The following ST8SIA1 variants were observed in gnomAD, a reference collection of about 807,000 sequenced individuals.
The protein encoded by ST8SIA1 is ST8 alpha-N-acetyl-neuraminide alpha-2,8-sialyltransferase 1.
Under a neutral mutation model 35.9 loss-of-function variants are expected in ST8SIA1, and 16 were observed. That is an observed-to-expected ratio of 0.45 (90% confidence interval 0.30 to 0.68). The LOEUF (loss-of-function observed/expected upper bound fraction) is 0.68. Ranked by LOEUF, ST8SIA1 falls within the 30% of genes least tolerant of loss-of-function variation. The pLI, the probability that ST8SIA1 is intolerant of heterozygous loss-of-function variation, is 0.09. For synonymous variants in ST8SIA1, 170 were observed against 169.6 expected (o/e 1.00, Z -0.02); for missense variants, 383 against 453.6 (o/e 0.84, Z 1.41).
Position 22,292,916 on chromosome 12 carries a change from A to T in ST8SIA1, c.237-5623T>A, listed in dbSNP as rs114361372. Reference sequence around the variant, plus strand: ...AGCCATAATTAAAATAAATGAATAAATCTGAATGAATGAATAAATAACAAA... The same window carrying T: ...AGCCATAATTAAAATAAATGAATAATTCTGAATGAATGAATAAATAACAAA... On this transcript the variant is annotated intron_variant, in intron 1 of 4. Transcript: ENST00000396037. Among the ~76,000 whole-genome samples the T allele has an allele frequency of 9.0e-3, 1,365 of 152,352 alleles. 17 individuals are homozygous for T. The highest frequency in any genetic ancestry group is 0.031 in the African/African-American group (1,286 of 41,572).
intron 2 of ST8SIA1, among the ~76,000 whole-genome samples, chr12:22,277,735 G>A (rs1865987698): frequency 6.6e-6 from 1 of 152,114 alleles, no homozygotes; most frequent in South Asian, 2.1e-4. Context: ...TAACCCAGTG[G>A]CAGTGAGGTA....
intron 1 of ST8SIA1, among the ~76,000 whole-genome samples, chr12:22,327,644 G>T (rs1302945481): frequency 6.6e-6 from 1 of 152,244 alleles, no homozygotes; most frequent in East Asian, 1.9e-4. Flanking sequence ...ACAGAGCATG[G>T]ACCCCTCTCA....
At chr12:22,247,469 G>A (rs1865619781) in intron 4 of ST8SIA1, among the ~76,000 whole-genome samples, 1 of 150,008 alleles carries the variant, frequency 6.7e-6, no homozygotes, top group Admixed American at 6.6e-5. Flanking sequence ...AAAATTTCTT[G>A]TAAGTGTTCT....
chr12:22,265,852 T>G (rs1040112731), intron 2 of ST8SIA1, among the ~76,000 whole-genome samples: 2 of 151,966 alleles, frequency 1.3e-5, no homozygotes, highest in Non-Finnish European at 2.9e-5. Flanking sequence ...ATATCCTAAT[T>G]CTTCTAAAAC....
intron 4 of ST8SIA1, 171 bp downstream of exon 4, chr12:22,248,835 G>T (rs1865633548): frequency 3.7e-6 from 2 of 534,978 alleles, no homozygotes; most frequent in Non-Finnish European, 6.6e-6. Flanking sequence ...ATATTGTTTG[G>T]ATTCCCATAA....
At chr12:22,254,931 A>G (rs962891152) in intron 3 of ST8SIA1, among the ~76,000 whole-genome samples, 4 of 152,242 alleles carry the variant, frequency 2.6e-5, no homozygotes, top group Admixed American at 2.6e-4. Flanking sequence ...ATTTATTCAT[A>G]GAGAGTGGTC....
chr12:22,302,578 A>G (rs1391213466), intron 1 of ST8SIA1, among the ~76,000 whole-genome samples: 1 of 152,230 alleles, frequency 6.6e-6, no homozygotes, highest in Non-Finnish European at 1.5e-5. Context: ...CATCCCAGAC[A>G]TGAGAGATCA....
In ST8SIA1 at chr12:22,198,258, A is replaced by T. The variant is rs915043024; in HGVS notation, c.*3294T>A. 1.3e-5 allele frequency: 2 copies of T among 152,134 alleles called. No individual in the cohort carries two copies. Among genetic ancestry groups the T allele is most frequent in the African/African-American group, 2.4e-5 (1 of 41,444 alleles). The allele number at this position is 152,134 out of a possible 1,614,324, so 9.4% of individuals were successfully genotyped here. A position where few individuals can be genotyped will look rare whatever the true frequency, so the allele number is the denominator to read the frequency against. On this transcript the variant is annotated 3_prime_UTR_variant, in exon 5 of 5. Transcript: ENST00000396037. ...CCCTCTTGGCAGGTGCATCACCAAA[A>T]GTGATTAAAGATTTTCTTATTGAAT...
intron 1 of ST8SIA1, among the ~76,000 whole-genome samples, chr12:22,307,955 G>GA (rs993082047): frequency 2.0e-4 from 31 of 151,680 alleles, no homozygotes; most frequent in African/African-American, 5.8e-4. Context: ...GGGCTACCAA[G>GA]AAAAAAAAAT....
intron 1 of ST8SIA1, among the ~76,000 whole-genome samples, chr12:22,295,544 G>A (rs1411227924): frequency 1.3e-5 from 2 of 151,986 alleles, no homozygotes; most frequent in African/African-American, 4.8e-5. Flanking sequence ...ACCAGCCTGG[G>A]CAACATGGTG....
At chr12:22,231,069 T>G (rs1036023323) in intron 4 of ST8SIA1, among the ~76,000 whole-genome samples, 1 of 150,724 alleles carries the variant, frequency 6.6e-6, no homozygotes, top group African/African-American at 2.4e-5. Context: ...TGAAAATAAG[T>G]GAGCATGAGT....
rs1174211289 is a variant in ST8SIA1, at chr12:22,310,599, T to C, written c.237-23306A>G. 2.0e-5 allele frequency among the ~76,000 whole-genome samples: 3 copies of C among 152,194 alleles called. 1 individual carries two copies. The highest frequency in any genetic ancestry group is 6.3e-3 in the Middle Eastern group (2 of 316). On this transcript the variant is annotated intron_variant, in intron 1 of 4. Coordinates refer to ENST00000396037, the MANE Select transcript of ST8SIA1 (RefSeq NM_003034.4). ...TCTATGCTTTCTGGATATGTTGTTTTGATTTCAAAAAATGTTTAAGGCAAA... is the reference window on the plus strand; with the variant it reads ...TCTATGCTTTCTGGATATGTTGTTTCGATTTCAAAAAATGTTTAAGGCAAA...
At chr12:22,315,769 TAAAAAA>T (rs34854158) in intron 1 of ST8SIA1, among the ~76,000 whole-genome samples, 1 of 129,116 alleles carries the variant, frequency 7.7e-6, no homozygotes, top group Admixed American at 7.9e-5. Flanking sequence ...CCCCTTAATG[TAAAAAA>T]AAAAAAAAAA....
chr12:22,236,242 C>A (rs915176754), intron 4 of ST8SIA1, among the ~76,000 whole-genome samples: 1 of 152,110 alleles, frequency 6.6e-6, no homozygotes, highest in African/African-American at 2.4e-5. Context: ...CAACACAGGC[C>A]CTTGAGTTTC....
At chr12:22,295,170 C>A (rs1328185483) in intron 1 of ST8SIA1, among the ~76,000 whole-genome samples, 1 of 152,048 alleles carries the variant, frequency 6.6e-6, no homozygotes, top group African/African-American at 2.4e-5. Flanking sequence ...GGGAAAGATG[C>A]AATTTTTAAC....
At chr12:22,239,724 CTATCA>C (rs1172077102) in intron 4 of ST8SIA1, among the ~76,000 whole-genome samples, 4 of 152,116 alleles carry the variant, frequency 2.6e-5, no homozygotes, top group African/African-American at 9.7e-5. Flanking sequence ...TGCTTATGAG[CTATCA>C]TTTGTTTGAA....
At chr12:22,239,023 C>T (rs113530348) in intron 4 of ST8SIA1, among the ~76,000 whole-genome samples, 1 of 152,192 alleles carries the variant, frequency 6.6e-6, no homozygotes, top group African/African-American at 2.4e-5. Context: ...TCTCTCAGCA[C>T]TTTGAAGATA....
At chr12:22,243,239 A>G (rs1210540814) in intron 4 of ST8SIA1, among the ~76,000 whole-genome samples, 1 of 152,194 alleles carries the variant, frequency 6.6e-6, no homozygotes, top group Non-Finnish European at 1.5e-5. Context: ...GGTTTTGGAG[A>G]CAGCTATGAA....
At chr12:22,202,914 G>T (rs74494416) in intron 4 of ST8SIA1, among the ~76,000 whole-genome samples, 4,755 of 152,238 alleles carry the variant, frequency 0.031, 116 homozygotes, top group East Asian at 0.11. Flanking sequence ...CAATGACAAG[G>T]ATTCCCTGTC....
Sources: gnomAD v4.1 joint callset for allele counts (sites outside exome capture counted in the v4.1 genomes callset) on GRCh38, gnomAD v4.1.1 for gene constraint, MANE v1.5 for transcripts, NCBI Gene and HGNC (gene_info 2026-07-23, HGNC 2026-07-21) for gene names.